Variants in CENPK observed in about 807,000 individuals in gnomAD.
CENPK encodes centromere protein K.
Under a neutral mutation model 40.9 loss-of-function variants are expected in CENPK, and 46 were observed. That is an observed-to-expected ratio of 1.13 (90% confidence interval 0.89 to 1.44). CENPK has a LOEUF of 1.44. Ranked by LOEUF, CENPK falls within the 40% of genes most tolerant of loss-of-function variation. The pLI is 0.00. For synonymous variants in CENPK, 107 were observed against 104.4 expected, an observed-to-expected ratio of 1.02 and a Z score of -0.15; for missense variants, 288 against 303.5, an observed-to-expected ratio of 0.95 and a Z score of 0.38.
At chr5:65,541,625 C>T (rs1287147033) in intron 6 of CENPK, among the ~76,000 whole-genome samples, 1 of 152,208 alleles carries the variant, frequency 6.6e-6, no homozygotes, top group Non-Finnish European at 1.5e-5. Context: ...TTTCTACCAA[C>T]ATTCTTTTCA....
chr5:65,524,085 G>T (rs1744230001), intron 9 of CENPK, among the ~76,000 whole-genome samples: 2 of 152,032 alleles, frequency 1.3e-5, no homozygotes, highest in African/African-American at 4.8e-5. Context: ...AACAACTCTT[G>T]GAGGCTTGGC....
intron 2 of CENPK, among the ~76,000 whole-genome samples, chr5:65,559,630 GA>G (rs1166225346): frequency 6.9e-3 from 261 of 37,678 alleles, no homozygotes; most frequent in African/African-American, 0.015. Flanking sequence ...CTCCGTCTCA[GA>G]AAAAAAAAAA....
intron 2 of CENPK, among the ~76,000 whole-genome samples, chr5:65,558,134 AAAAC>A (rs1751300272): frequency 6.6e-6 from 1 of 152,010 alleles, no homozygotes; most frequent in African/African-American, 2.4e-5. Flanking sequence ...ACAAACAAAC[AAAAC>A]AAACAAAAAG....
intron 5 of CENPK, among the ~76,000 whole-genome samples, chr5:65,549,934 T>G (rs1561681485): frequency 6.6e-6 from 1 of 152,102 alleles, no homozygotes; most frequent in African/African-American, 2.4e-5. Context: ...TTTGGGAGAC[T>G]GAAGCAGGTG....
intron 9 of CENPK, among the ~76,000 whole-genome samples, chr5:65,522,477 G>GC (rs1743947822): frequency 6.6e-6 from 1 of 151,968 alleles, no homozygotes; most frequent in African/African-American, 2.4e-5. Flanking sequence ...CACCCAGGCT[G>GC]GAGTGCAGTG....
the CENPK span, among the ~76,000 whole-genome samples, chr5:65,508,427 A>AT: frequency 6.6e-6 from 1 of 152,214 alleles, no homozygotes; most frequent in African/African-American, 2.4e-5. Context: ...AATCAAAACT[A>AT]TCTCCTTATA....
chr5:65,514,228 A>ATATTTTTTTTTTTTTTTTT (rs199873665), downstream of CENPK, among the ~76,000 whole-genome samples: 8 of 61,648 alleles, frequency 1.3e-4, 1 homozygote, highest in Admixed American at 2.1e-4. Flanking sequence ...GCCTCACATA[A>ATATTTTTTTTTTTTTTTTT]TCTTTTTTTT....
the CENPK span, among the ~76,000 whole-genome samples, chr5:65,498,621 CTTTTTCTTTT>C: frequency 4.2e-5 from 6 of 143,430 alleles, no homozygotes; most frequent in South Asian, 1.3e-3. Context: ...TTTTTTCTTT[CTTTTTCTTTT>C]TTCTTTTTTT....
At chr5:65,507,593 G>T in the CENPK span, among the ~76,000 whole-genome samples, 1 of 152,010 alleles carries the variant, frequency 6.6e-6, no homozygotes, top group Non-Finnish European at 1.5e-5. Flanking sequence ...CCACCTAAAG[G>T]TTTTAAATTG....
intron 2 of CENPK, among the ~76,000 whole-genome samples, chr5:65,555,499 G>T (rs1750823361): frequency 6.6e-6 from 1 of 152,202 alleles, no homozygotes; most frequent in Non-Finnish European, 1.5e-5. Flanking sequence ...ACTTTGAGAT[G>T]ATAAGCAATT....
chr5:65,554,680 T>A (rs898762987), intron 3 of CENPK, 117 bp downstream of exon 3: 4 of 660,918 alleles, frequency 6.1e-6, no homozygotes, highest in Non-Finnish European at 1.1e-5. Context: ...TATATAAATA[T>A]TTATCATACA....
At chr5:65,519,604 A>G (rs1220588538) in intron 10 of CENPK, among the ~76,000 whole-genome samples, 1 of 152,226 alleles carries the variant, frequency 6.6e-6, no homozygotes, top group Admixed American at 6.5e-5. Flanking sequence ...TTTAAGGAAC[A>G]TGGAAAAGAG....
At chr5:65,542,619 AG>A (rs1748169971) in intron 6 of CENPK, among the ~76,000 whole-genome samples, 182 bp downstream of exon 6, 1 of 152,106 alleles carries the variant, frequency 6.6e-6, no homozygotes, top group African/African-American at 2.4e-5. Context: ...ACTGGGCAAC[AG>A]AGCGAGACTC....
intron 7 of CENPK, 21 bp downstream of exon 7, chr5:65,529,096 G>A: frequency 6.4e-7 from 1 of 1,557,296 alleles, no homozygotes; most frequent in Non-Finnish European, 8.8e-7. Flanking sequence ...ATGATTAATA[G>A]TAATTGTAAC....
chr5:65,514,971 T>C (rs1742762083), downstream of CENPK, among the ~76,000 whole-genome samples: 2 of 152,192 alleles, frequency 1.3e-5, no homozygotes, highest in Admixed American at 6.5e-5. Flanking sequence ...GTAAAAGTTT[T>C]ATAAATTTTA....
At position 65,529,124 on chromosome 5, in the gene CENPK, A is replaced by G; in HGVS notation, c.364T>C (p.Leu122=). The G allele has an allele frequency of 6.2e-7, 1 of 1,604,174 alleles. No homozygotes were observed. The highest frequency in any genetic ancestry group is 8.5e-7 in the Non-Finnish European group (1 of 1,172,230). The change falls in exon 7 of 11, where the codon TTA becomes CTA. Residue 122 remains leucine (L), a synonymous_variant. Coordinates refer to ENST00000396679, the MANE Select transcript of CENPK (RefSeq NM_022145.5). ...ATTGTAACATAAACAAACCTTTCTA[A>G]GTCTTCCTTTAACTTTTCATTCTTT... The part of the protein sequence containing the change: ...ESKNEKLKED[L]EREQRWLDEQ...
At chr5:65,510,074 G>A in the CENPK span, among the ~76,000 whole-genome samples, 1 of 151,996 alleles carries the variant, frequency 6.6e-6, no homozygotes, top group Non-Finnish European at 1.5e-5. Flanking sequence ...AACCTACAAC[G>A]ACCTCTAAGT....
chr5:65,525,620 C>T (rs182732836), intron 9 of CENPK, among the ~76,000 whole-genome samples: 25 of 152,192 alleles, frequency 1.6e-4, no homozygotes, highest in African/African-American at 5.1e-4. Flanking sequence ...GTGGACTGAA[C>T]GATGTCTCCC....
chr5:65,529,067 T>C, intron 7 of CENPK, 50 bp from the exon 8 acceptor site: 1 of 1,541,218 alleles, frequency 6.5e-7, no homozygotes, highest in Non-Finnish European at 8.9e-7. Flanking sequence ...AAACTTTAAA[T>C]GTCACTTAAT....
Sources: allele counts gnomAD v4.1 joint callset (sites outside exome capture counted in the v4.1 genomes callset), GRCh38; gene constraint gnomAD v4.1.1; transcripts MANE v1.5; gene names NCBI Gene and HGNC (gene_info 2026-07-23, HGNC 2026-07-21).